ATE1: variants seen among roughly 807,000 people sequenced by gnomAD.
ATE1 encodes the protein arginyltransferase 1, also known as arginyl-tRNA--protein transferase 1.
Under a neutral mutation model 70.5 loss-of-function variants are expected in ATE1, and 36 were observed. The observed-to-expected ratio is 0.51, with a 90% CI of 0.39 to 0.67. The LOEUF is 0.67. ATE1 is among the 30% of genes least tolerant of loss of function. ATE1 has a pLI of 0.00. For synonymous variants in ATE1, 232 were observed against 219.3 expected (o/e 1.06, Z -0.51); for missense variants, 593 against 629.5 (o/e 0.94, Z 0.62).
intron 8 of ATE1, among the ~76,000 whole-genome samples, chr10:121,861,871 C>T (rs866248706): frequency 6.6e-6 from 1 of 152,154 alleles, no homozygotes; most frequent in Non-Finnish European, 1.5e-5. Flanking sequence ...CAATGTACTC[C>T]TATTTTCTGC....
chr10:121,920,146 A>G (rs1398539392), intron 3 of ATE1, among the ~76,000 whole-genome samples: 10 of 152,150 alleles, frequency 6.6e-5, no homozygotes, highest in Non-Finnish European at 1.5e-5. Context: ...AATTGGGGGC[A>G]AATACATGCT....
chr10:121,927,249 C>A, intron 1 of ATE1: 1 of 985,078 alleles, frequency 1.0e-6, no homozygotes, highest in Non-Finnish European at 1.2e-6. Context: ...GGCATATAAG[C>A]AAATGGTAAA....
chr10:121,919,462 G>A (rs971174220), intron 3 of ATE1, among the ~76,000 whole-genome samples: 1 of 152,092 alleles, frequency 6.6e-6, no homozygotes, highest in African/African-American at 2.4e-5. Context: ...TCGGGAGGCT[G>A]AGGCAGGAGA....
chr10:121,896,651 A>C (rs1950790780), intron 7 of ATE1, among the ~76,000 whole-genome samples: 1 of 151,768 alleles, frequency 6.6e-6, no homozygotes. Context: ...TCTACTAAAA[A>C]TACAAAAATT....
chr10:121,923,841 AT>A (rs1255510906), intron 2 of ATE1, among the ~76,000 whole-genome samples: 3 of 152,224 alleles, frequency 2.0e-5, no homozygotes, highest in Non-Finnish European at 4.4e-5. Flanking sequence ...ATTTTTATTA[AT>A]TTTGTAAGGT....
intron 7 of ATE1, among the ~76,000 whole-genome samples, chr10:121,886,374 T>C (rs1950400000): frequency 6.6e-6 from 1 of 151,858 alleles, no homozygotes; most frequent in African/African-American, 2.4e-5. Context: ...TGTGTGGGCT[T>C]GCTCTGGGTC....
intron 10 of ATE1, among the ~76,000 whole-genome samples, chr10:121,812,327 A>C (rs1947358241): frequency 1.3e-5 from 2 of 152,190 alleles, no homozygotes; most frequent in South Asian, 4.1e-4. Flanking sequence ...AATACCACAC[A>C]GGAAAAATAT....
chr10:121,902,207 C>T (rs2420970), intron 6 of ATE1, among the ~76,000 whole-genome samples, 184 bp downstream of exon 6: 65,261 of 151,914 alleles, frequency 0.43, 15,258 homozygotes, highest in South Asian at 0.53. Flanking sequence ...AAGGAGTTTC[C>T]CTCAAACAGC....
chr10:121,764,659 G>A (rs900025932), intron 11 of ATE1, among the ~76,000 whole-genome samples: 7 of 151,944 alleles, frequency 4.6e-5, no homozygotes, highest in Non-Finnish European at 8.8e-5. Flanking sequence ...ATTTAAAATC[G>A]GTTACACAGA....
At chr10:121,907,609 C>T (rs925668556) in intron 5 of ATE1, among the ~76,000 whole-genome samples, 2 of 151,776 alleles carry the variant, frequency 1.3e-5, no homozygotes, top group Admixed American at 6.6e-5. Flanking sequence ...CCCATCTCTA[C>T]TAAAAATACA....
intron 8 of ATE1, among the ~76,000 whole-genome samples, chr10:121,857,851 C>A (rs1471344970): frequency 6.6e-6 from 1 of 152,192 alleles, no homozygotes; most frequent in African/African-American, 2.4e-5. Context: ...TCTCCATTCT[C>A]TCCTCTCCGC....
rs939921041 is a variant in ATE1 at position 121,778,210 on chromosome 10, G to A, written c.1378+11959C>T. ...AACCTAACACACAGCTTTAAAAGTT[G>A]AGACAACCAGTGTCTTTCCATTGTA... On this transcript the variant is annotated intron_variant, in intron 11 of 11. Coordinates refer to ENST00000224652, the MANE Select transcript of ATE1 (RefSeq NM_001001976.3). Among the ~76,000 whole-genome samples, 4 of 152,158 alleles carry A rather than the reference G, an allele frequency of 2.6e-5. No individual in the cohort carries two copies. In the East Asian group the frequency reaches 7.7e-4, roughly 29 times the overall value.
At chr10:121,766,519 C>T (rs2135834164) in intron 11 of ATE1, among the ~76,000 whole-genome samples, 1 of 152,198 alleles carries the variant, frequency 6.6e-6, no homozygotes, top group Non-Finnish European at 1.5e-5. Flanking sequence ...GATAAACTCC[C>T]TGGGTTTTCT....
intron 8 of ATE1, among the ~76,000 whole-genome samples, chr10:121,843,995 T>G (rs1485093897): frequency 6.6e-6 from 1 of 152,212 alleles, no homozygotes; most frequent in Non-Finnish European, 1.5e-5. Context: ...AAAACTCAAG[T>G]CACAGACTGG....
intron 3 of ATE1, among the ~76,000 whole-genome samples, chr10:121,918,016 G>T (rs148974257): frequency 3.3e-4 from 51 of 152,262 alleles, no homozygotes; most frequent in Non-Finnish European, 6.6e-4. Context: ...AACCAGAAGA[G>T]TAAATATGGA....
At chr10:121,856,356 C>A (rs1348146506) in intron 8 of ATE1, among the ~76,000 whole-genome samples, 1 of 151,680 alleles carries the variant, frequency 6.6e-6, no homozygotes, top group Non-Finnish European at 1.5e-5. Flanking sequence ...AAGAAGAAAT[C>A]CCGTCTCTAC....
intron 10 of ATE1, among the ~76,000 whole-genome samples, chr10:121,806,056 T>C (rs1947082962): frequency 2.0e-5 from 3 of 152,130 alleles, no homozygotes; most frequent in African/African-American, 7.2e-5. Flanking sequence ...TTAATAAAAT[T>C]ATAAAGAAAC....
chr10:121,824,387 A>C lies in ATE1; in HGVS notation c.1257+12331T>G, dbSNP rs545910240. Reference sequence around the variant, plus strand: ...ACATTTACCAACGTGTTTGGTCAGGAAACTTTGAAAAGCTTGGAAACTTGG... The same window carrying C: ...ACATTTACCAACGTGTTTGGTCAGGCAACTTTGAAAAGCTTGGAAACTTGG... On this transcript the variant is annotated intron_variant, in intron 10 of 11. Transcript: ENST00000224652. Among the ~76,000 whole-genome samples, 7 of 152,332 alleles carry C rather than the reference A, an allele frequency of 4.6e-5. No individual in the cohort carries two copies. In the South Asian group the frequency reaches 1.5e-3, roughly 32 times the overall value.
intron 10 of ATE1, among the ~76,000 whole-genome samples, chr10:121,800,239 CTT>C (rs1373168952): frequency 2.0e-5 from 3 of 152,096 alleles, no homozygotes; most frequent in Non-Finnish European, 2.9e-5. Context: ...GCATTTGAGA[CTT>C]TGTTATTTTT....
Sources: gnomAD v4.1 joint callset for allele counts (sites outside exome capture counted in the v4.1 genomes callset) on GRCh38, gnomAD v4.1.1 for gene constraint, MANE v1.5 for transcripts, NCBI Gene and HGNC (gene_info 2026-07-23, HGNC 2026-07-21) for gene names.